PHYHIP: variants seen among roughly 807,000 people sequenced by gnomAD.
PHYHIP encodes phytanoyl-CoA 2-hydroxylase interacting protein, also known as phytanoyl-CoA hydroxylase-interacting protein.
Under a neutral mutation model 26.1 loss-of-function variants are expected in PHYHIP, and 7 were observed. The ratio of observed to expected loss-of-function variants is 0.27; its 90% CI spans 0.15 to 0.50. The LOEUF (loss-of-function observed/expected upper bound fraction) is 0.50, where lower values mean the gene tolerates loss of function less well. Ranked by LOEUF, PHYHIP falls within the 20% of genes least tolerant of loss-of-function variation. The probability of loss-of-function intolerance (pLI) is 0.98; values close to 1 mark genes in which losing one functional copy is unlikely to be tolerated. For synonymous variants in PHYHIP, 206 were observed against 183.4 expected, an observed-to-expected ratio of 1.12 and a Z score of -1.00; for missense variants, 232 against 454.7, an observed-to-expected ratio of 0.51 and a Z score of 4.45.
Position 22,221,782 on chromosome 8 carries a change from C to G in PHYHIP, c.564G>C (p.Thr188=). The G allele has an allele frequency of 6.2e-7, 1 of 1,611,886 alleles. No individual in the cohort carries two copies. The highest frequency in any genetic ancestry group is 8.5e-7 in the Non-Finnish European group (1 of 1,179,276). Residue 188 remains threonine (T), a synonymous_variant, in exon 5 of 5, where the codon ACG becomes ACC. Transcript: ENST00000454243. This position sits in a 1 kb window ranked among gnomAD's most constrained non-coding sequence, Gnocchi z 7.9. ...MLHGVFFSCN[T]EFNTGQPPQD... ...GCGGGGGCTGGCCCGTGTTGAACTC[C>G]GTGTTGCAGCTGAAGAAGACCCCGT...
At position 22,221,330 on chromosome 8, in the gene PHYHIP, GC is replaced by G; in HGVS notation, c.*22del. On this transcript the variant is annotated 3_prime_UTR_variant, in exon 5 of 5. Coordinates refer to ENST00000454243, the MANE Select transcript of PHYHIP (RefSeq NM_014759.5). This position sits in a 1 kb window ranked among gnomAD's most constrained non-coding sequence, Gnocchi z 7.9. ...TCCACCTTCCGCTCATCTCTCCCTCGCCCCCCAGCTCCCCAGGAGTCCCTAG... is the reference window on the plus strand; with the variant it reads ...TCCACCTTCCGCTCATCTCTCCCTCGCCCCCAGCTCCCCAGGAGTCCCTAG... 1 of 1,531,152 alleles carries G rather than the reference GC, an allele frequency of 6.5e-7. No homozygotes were observed. Among genetic ancestry groups the G allele is most frequent in the Non-Finnish European group, 8.8e-7 (1 of 1,138,012 alleles). 94.8% of individuals were successfully genotyped at this position (1,531,152 alleles called of 1,614,324 possible).
In PHYHIP at chr8:22,227,119, C is replaced by T. The variant is rs548546844; in HGVS notation, c.166-94G>A. On this transcript the variant is annotated intron_variant, in intron 2 of 4. Transcript: ENST00000454243. ...CCAGAATCCCCACTCCCCAGATGGC[C>T]CTGTTTCTCCTGAGCAGGACCAATC... 1.5e-4 allele frequency: 162 copies of T among 1,115,814 alleles called. 3 individuals carry two copies. The South Asian group carries it at 2.4e-3, about 17-fold the overall frequency. The allele number at this position is 1,115,814 out of a possible 1,614,324, so 69.1% of individuals were successfully genotyped here. A position where few individuals can be genotyped will look rare whatever the true frequency, so the allele number is the denominator to read the frequency against.
chr8:22,222,027 G>T, intron 4 of PHYHIP, 140 bp from the exon 5 acceptor site: 1 of 668,804 alleles, frequency 1.5e-6, no homozygotes, highest in Non-Finnish European at 2.5e-6. Flanking sequence ...TCCACTAGTC[G>T]CAAATAGAAC....
intron 1 of PHYHIP, 168 bp from the exon 2 acceptor site, chr8:22,228,554 G>A (rs1427356216): frequency 3.7e-6 from 2 of 542,414 alleles, no homozygotes; most frequent in South Asian, 2.5e-5. Context: ...AAGGATGATG[G>A]AGGGTGGAAA....
Position 22,222,027 on chromosome 8 carries a change from G to A in PHYHIP, c.459-140C>T, listed in dbSNP as rs958667171. 9.4e-5 allele frequency: 63 copies of A among 668,806 alleles called. 1 individual carries two copies. The highest frequency in any genetic ancestry group is 9.2e-4 in the African/African-American group (51 of 55,250). 41.4% of individuals were successfully genotyped at this position (668,806 alleles called of 1,614,324 possible). A position where few individuals can be genotyped will look rare whatever the true frequency, so the allele number is the denominator to read the frequency against. The stretch of plus-strand genomic sequence containing the variant: ...CCTCCCCCAGCCGCCTCCACTAGTC[G>A]CAAATAGAACATTCCAGAATGCAAG... On this transcript the variant is annotated intron_variant, in intron 4 of 4. Coordinates refer to ENST00000454243, the MANE Select transcript of PHYHIP (RefSeq NM_014759.5).
intron 4 of PHYHIP, chr8:22,223,953 A>T: frequency 2.5e-6 from 1 of 398,214 alleles, no homozygotes; most frequent in South Asian, 3.1e-5. Flanking sequence ...ACTGTCCCAG[A>T]GTGGGAGCAA....
At chr8:22,229,663 C>T (rs1829828907) in intron 1 of PHYHIP, among the ~76,000 whole-genome samples, 2 of 152,194 alleles carry the variant, frequency 1.3e-5, no homozygotes, top group Admixed American at 6.5e-5. Context: ...TCCCTTCCTC[C>T]AGCCCAGTTC....
At chr8:22,224,873 C>A (rs1586489918) in intron 3 of PHYHIP, among the ~76,000 whole-genome samples, 1 of 152,224 alleles carries the variant, frequency 6.6e-6, no homozygotes, top group East Asian at 1.9e-4. Flanking sequence ...GGGTCTGGAG[C>A]AATGGCTCTC....
chr8:22,226,729 C>T (rs1829753493), intron 3 of PHYHIP, 122 bp downstream of exon 3: 6 of 917,174 alleles, frequency 6.5e-6, no homozygotes, highest in East Asian at 2.9e-5. Context: ...GGCCCAAGCA[C>T]GCTGCCTGGT....
chr8:22,230,918 C>T (rs1586496753), intron 1 of PHYHIP, among the ~76,000 whole-genome samples: 1 of 152,258 alleles, frequency 6.6e-6, no homozygotes, highest in Non-Finnish European at 1.5e-5. Flanking sequence ...CACCAACATG[C>T]ATGTGTGCCA....
Position 22,220,793 on chromosome 8 carries a change from A to AG in PHYHIP, c.*559dup, listed in dbSNP as rs1444302416. On this transcript the variant is annotated 3_prime_UTR_variant, in exon 5 of 5. Transcript: ENST00000454243. ...GGGTTCTTTGGGGCAAGGAGCAGCCAGGGAGTCACGGTGGTGCAGGAGACT... is the reference window on the plus strand; with the variant it reads ...GGGTTCTTTGGGGCAAGGAGCAGCCAGGGGAGTCACGGTGGTGCAGGAGACT... 1.0e-4 allele frequency: 16 copies of AG among 152,872 alleles called. No individual in the cohort carries two copies. The highest frequency in any genetic ancestry group is 3.6e-4 in the African/African-American group (15 of 41,416). 9.5% of individuals were successfully genotyped at this position (152,872 alleles called of 1,614,324 possible).
At position 22,221,407 on chromosome 8, in the gene PHYHIP, G is replaced by C. The variant is rs113533102; in HGVS notation, c.939C>G (p.Ala313=). The change falls in exon 5 of 5, where the codon GCC becomes GCG. Residue 313 remains alanine, a synonymous_variant. Coordinates refer to ENST00000454243, the MANE Select transcript of PHYHIP (RefSeq NM_014759.5). The surrounding 1 kb of genome is among the most constrained non-coding windows in gnomAD (Gnocchi z 7.9). ...SGHQLMSLST[A]DAKKDPSCKT... The stretch of plus-strand genomic sequence containing the variant: ...TGCAGCTGGGGTCCTTCTTGGCATC[G>C]GCAGTAGACAGACTCATGAGCTGGT... 9.6e-4 allele frequency: 1,549 copies of C among 1,610,002 alleles called. 14 individuals are homozygous for C. In the African/African-American group the frequency reaches 0.017, roughly 18 times the overall value.
chr8:22,224,382 GC>G, intron 3 of PHYHIP, 39 bp from the exon 4 acceptor site: 1 of 1,218,332 alleles, frequency 8.2e-7, no homozygotes, highest in Non-Finnish European at 1.2e-6. Flanking sequence ...CCGAGGGCCA[GC>G]TGAGGAGCAC....
rs1829640831 is a variant in PHYHIP at position 22,221,996 on chromosome 8, C to CCG, written c.459-110_459-109insCG. 6 of 877,718 alleles carry CCG rather than the reference C, an allele frequency of 6.8e-6. No individual in the cohort carries two copies. Among genetic ancestry groups the CCG allele is most frequent in the Non-Finnish European group, 1.0e-5 (6 of 591,394 alleles). 54.4% of individuals were successfully genotyped at this position (877,718 alleles called of 1,614,324 possible). On this transcript the variant is annotated intron_variant, in intron 4 of 4. Coordinates refer to ENST00000454243, the MANE Select transcript of PHYHIP (RefSeq NM_014759.5). This position sits in a 1 kb window ranked among gnomAD's most constrained non-coding sequence, Gnocchi z 7.9. ...GAGGAGGGAGGAAGCCAGCCCAGCT[C>CCG]CCAGCCCTCCCCCAGCCGCCTCCAC...
chr8:22,221,922 G>A lies in PHYHIP; in HGVS notation c.459-35C>T. ...CCAGGGAGACACACCAAAGGGAAGA[G>A]AAGATGTGGCTGGTGAGCCGGGCTG... On this transcript the variant is annotated intron_variant, in intron 4 of 4. Transcript: ENST00000454243. This position sits in a 1 kb window ranked among gnomAD's most constrained non-coding sequence, Gnocchi z 7.9. The A allele has an allele frequency of 6.8e-7, 1 of 1,463,792 alleles. No individual in the cohort carries two copies. Among genetic ancestry groups the A allele is most frequent in the Non-Finnish European group, 9.1e-7 (1 of 1,104,472 alleles). 90.7% of individuals were successfully genotyped at this position (1,463,792 alleles called of 1,614,324 possible).
intron 1 of PHYHIP, among the ~76,000 whole-genome samples, chr8:22,230,750 T>G (rs532673325): frequency 6.6e-6 from 1 of 152,262 alleles, no homozygotes. Flanking sequence ...AGGTGCCTGC[T>G]GCCACCTTCC....
intron 2 of PHYHIP, chr8:22,227,788 C>T (rs1030855375): frequency 2.6e-5 from 12 of 454,102 alleles, no homozygotes; most frequent in African/African-American, 1.6e-4. Context: ...CAGCCAACAG[C>T]GAGGCTGTGC....
In PHYHIP at chr8:22,231,896, G is replaced by A. The variant is rs542024165; in HGVS notation, c.-130C>T. The A allele has an allele frequency of 2.5e-4, 38 of 152,428 alleles. No individual in the cohort carries two copies. The highest frequency in any genetic ancestry group is 1.1e-3 in the Admixed American group (17 of 15,308). 9.4% of individuals were successfully genotyped at this position (152,428 alleles called of 1,614,324 possible). ...GGCAGGGGACAGCAGCCGGACGCCT[G>A]GGTCACGGGCAGTGGCGTGCGCTTG... On this transcript the variant is annotated 5_prime_UTR_variant, in exon 1 of 5. Transcript: ENST00000454243.
At chr8:22,225,922 C>G (rs2131926860) in intron 3 of PHYHIP, among the ~76,000 whole-genome samples, 1 of 152,274 alleles carries the variant, frequency 6.6e-6, no homozygotes, top group East Asian at 1.9e-4. Flanking sequence ...CCAGCAGCCT[C>G]AGAGGCCCGG....
Sources: gnomAD v4.1 joint callset for allele counts (sites outside exome capture counted in the v4.1 genomes callset) on GRCh38, gnomAD v4.1.1 for gene constraint, Gnocchi (gnomAD v3.1) non-coding constraint, MANE v1.5 for transcripts, NCBI Gene and HGNC (gene_info 2026-07-23, HGNC 2026-07-21) for gene names.